TNFRSF21: variants seen among roughly 807,000 people sequenced by gnomAD.
TNFRSF21 encodes tumor necrosis factor receptor superfamily member 21.
In TNFRSF21, 19 loss-of-function variants were observed where a neutral mutation model predicts 45.6. The observed-to-expected ratio is 0.42, with a 90% CI of 0.29 to 0.61. The LOEUF is 0.61. TNFRSF21 is among the 20% of genes least tolerant of loss of function. The pLI, the probability that TNFRSF21 is intolerant of heterozygous loss-of-function variation, is 0.23. For synonymous variants in TNFRSF21, 314 were observed against 335.5 expected (o/e 0.94, Z 0.70); for missense variants, 737 against 851.5 (o/e 0.87, Z 1.67).
At chr6:47,248,172 G>A (rs1223037864) in intron 4 of TNFRSF21, among the ~76,000 whole-genome samples, 1 of 152,084 alleles carries the variant, frequency 6.6e-6, no homozygotes, top group Non-Finnish European at 1.5e-5. Flanking sequence ...AAGCAATGAA[G>A]GGATGCTGAA....
In TNFRSF21 at chr6:47,261,256, C is replaced by T. The variant is rs184446824; in HGVS notation, c.1244-7735G>A. On this transcript the variant is annotated intron_variant, in intron 3 of 5. Coordinates refer to ENST00000296861, the MANE Select transcript of TNFRSF21 (RefSeq NM_014452.5). Reference sequence around the variant, plus strand: ...AATTGGAATAAAAGCCTGGCTTTAGCATTACTGGAATTGATGTTCCACATA... The same window carrying T: ...AATTGGAATAAAAGCCTGGCTTTAGTATTACTGGAATTGATGTTCCACATA... 2.5e-3 allele frequency among the ~76,000 whole-genome samples: 379 copies of T among 152,340 alleles called. 8 individuals carry two copies. The highest frequency in any genetic ancestry group is 5.6e-4 in the Non-Finnish European group (38 of 68,032).
chr6:47,232,627 AC>A lies in TNFRSF21; in HGVS notation c.*137del. ...GCACTGGCCATATTCTCTGTTAAAC[AC>A]ACACACACACACACACACACACACA... is the stretch of plus-strand genomic sequence containing the variant. On this transcript the variant is annotated 3_prime_UTR_variant, in exon 6 of 6. Coordinates refer to ENST00000296861, the MANE Select transcript of TNFRSF21 (RefSeq NM_014452.5). 1 of 109,502 alleles carries A rather than the reference AC, an allele frequency of 9.1e-6. No homozygotes were observed. The highest frequency in any genetic ancestry group is 1.6e-5 in the Non-Finnish European group (1 of 60,884). 6.8% of individuals were successfully genotyped at this position (109,502 alleles called of 1,614,324 possible). A position where few individuals can be genotyped will look rare whatever the true frequency, so the allele number is the denominator to read the frequency against.
rs144298599 is a variant in TNFRSF21, at chr6:47,232,660, A to C, written c.*105T>G. 1,547 of 632,394 alleles carry C rather than the reference A, an allele frequency of 2.4e-3. No individual in the cohort carries two copies. Among genetic ancestry groups the C allele is most frequent in the Middle Eastern group, 6.1e-3 (12 of 1,964 alleles). The allele number at this position is 632,394 out of a possible 1,614,324, so 39.2% of individuals were successfully genotyped here. On this transcript the variant is annotated 3_prime_UTR_variant, in exon 6 of 6. Coordinates refer to ENST00000296861, the MANE Select transcript of TNFRSF21 (RefSeq NM_014452.5). ...ACACACACACACACACACACACACA[A>C]ACACACACACACACCCCAAACAACA...
chr6:47,248,278 T>C (rs774392511), intron 4 of TNFRSF21, among the ~76,000 whole-genome samples: 2 of 152,140 alleles, frequency 1.3e-5, no homozygotes, highest in Non-Finnish European at 2.9e-5. Context: ...ATTATCAAAA[T>C]TAATTTTGAT....
intron 1 of TNFRSF21, among the ~76,000 whole-genome samples, chr6:47,308,829 A>G (rs1001592932): frequency 1.3e-5 from 2 of 152,212 alleles, no homozygotes; most frequent in Non-Finnish European, 2.9e-5. Context: ...AAGAGGGAAG[A>G]GAGAGGGTAA....
At chr6:47,274,478 A>G (rs9791332) in intron 3 of TNFRSF21, among the ~76,000 whole-genome samples, 12,929 of 152,292 alleles carry the variant, frequency 0.085, 620 homozygotes, top group East Asian at 0.15. Flanking sequence ...CACCTTATAC[A>G]AAAATTAATT....
intron 3 of TNFRSF21, among the ~76,000 whole-genome samples, chr6:47,273,916 G>T (rs893061799): frequency 9.2e-5 from 14 of 152,068 alleles, no homozygotes; most frequent in Non-Finnish European, 1.9e-4. Flanking sequence ...AAATACCTAG[G>T]AATCCAACTT....
chr6:47,270,505 G>A (rs1453334443), intron 3 of TNFRSF21, among the ~76,000 whole-genome samples: 2 of 152,184 alleles, frequency 1.3e-5, no homozygotes, highest in African/African-American at 4.8e-5. Flanking sequence ...AACCCCATCT[G>A]TAGGTCACCA....
intron 3 of TNFRSF21, among the ~76,000 whole-genome samples, chr6:47,256,585 TTC>T (rs1450339609): frequency 6.6e-6 from 1 of 152,222 alleles, no homozygotes; most frequent in Non-Finnish European, 1.5e-5. Flanking sequence ...ATTACTGTAC[TTC>T]TCACACAGTT....
rs940670870 is a variant in TNFRSF21 at position 47,232,482 on chromosome 6, C to A, written c.*283G>T. 5 of 339,742 alleles carry A rather than the reference C, an allele frequency of 1.5e-5. No individual in the cohort carries two copies. Among genetic ancestry groups the A allele is most frequent in the African/African-American group, 1.1e-4 (5 of 46,540 alleles). The allele number at this position is 339,742 out of a possible 1,614,324, so 21.0% of individuals were successfully genotyped here. A position where few individuals can be genotyped will look rare whatever the true frequency, so the allele number is the denominator to read the frequency against. On this transcript the variant is annotated 3_prime_UTR_variant, in exon 6 of 6. Transcript: ENST00000296861. ...AAGGCAAAATGGAGAAAATATGGAA[C>A]TTAAAAAACTTTAGTGGTGGGTATT...
At chr6:47,239,931 C>G (rs1764721572) in intron 4 of TNFRSF21, among the ~76,000 whole-genome samples, 1 of 152,130 alleles carries the variant, frequency 6.6e-6, no homozygotes. Flanking sequence ...CGAAAGTTTA[C>G]CACAAAGTTA....
intron 3 of TNFRSF21, among the ~76,000 whole-genome samples, chr6:47,262,432 A>T (rs1426832925): frequency 6.6e-6 from 1 of 152,260 alleles, no homozygotes; most frequent in African/African-American, 2.4e-5. Flanking sequence ...TGTGCCAGAC[A>T]CTTTTCTAGG....
At chr6:47,274,083 G>A (rs1328887691) in intron 3 of TNFRSF21, among the ~76,000 whole-genome samples, 3 of 152,142 alleles carry the variant, frequency 2.0e-5, no homozygotes, top group African/African-American at 7.2e-5. Context: ...TAGATTCAAT[G>A]CCATCCCCAT....
At chr6:47,302,602 C>T (rs1185730412) in intron 1 of TNFRSF21, among the ~76,000 whole-genome samples, 1 of 152,198 alleles carries the variant, frequency 6.6e-6, no homozygotes, top group East Asian at 1.9e-4. Flanking sequence ...ACACCCTTCC[C>T]TTTCAATCCA....
intron 3 of TNFRSF21, among the ~76,000 whole-genome samples, chr6:47,263,855 C>G (rs1306799635): frequency 6.6e-6 from 1 of 152,174 alleles, no homozygotes; most frequent in East Asian, 1.9e-4. Context: ...TGGTATGTCT[C>G]ACAATTAATT....
intron 1 of TNFRSF21, among the ~76,000 whole-genome samples, chr6:47,308,523 G>T (rs183853718): frequency 2.0e-5 from 3 of 152,332 alleles, no homozygotes; most frequent in Non-Finnish European, 4.4e-5. Flanking sequence ...TAAAGGGAGG[G>T]AATTTGGGGG....
Position 47,234,721 on chromosome 6 carries a change from T to C in TNFRSF21, c.1687A>G (p.Thr563Ala), listed in dbSNP as rs1764638060. The C allele has an allele frequency of 6.2e-7, 1 of 1,612,190 alleles. No individual in the cohort carries two copies. Among genetic ancestry groups the C allele is most frequent in the Non-Finnish European group, 8.5e-7 (1 of 1,179,246 alleles). ...CTCAGCGCGGAGGAGCCGCTGGATGTAGAGTCACAGCGGAGAAGGGGCTCC... is the reference window on the plus strand; with the variant it reads ...CTCAGCGCGGAGGAGCCGCTGGATGCAGAGTCACAGCGGAGAAGGGGCTCC... Reference protein sequence around the residue: ...ESEPLLRCDSTSSGSSALSRN... With the variant: ...ESEPLLRCDSASSGSSALSRN... The change falls in exon 5 of 6, where the codon ACA (threonine) becomes GCA (alanine). Residue 563 changes from threonine (T) to alanine (A), a missense_variant. Thr to Ala is a moderately conservative substitution (Grantham distance 58, BLOSUM62 0). Coordinates refer to ENST00000296861, the MANE Select transcript of TNFRSF21 (RefSeq NM_014452.5).
chr6:47,250,055 A>G (rs950495017), intron 4 of TNFRSF21, among the ~76,000 whole-genome samples: 1 of 152,234 alleles, frequency 6.6e-6, no homozygotes, highest in Admixed American at 6.5e-5. Flanking sequence ...AAGCAATTAT[A>G]TAATTACATA....
intron 4 of TNFRSF21, among the ~76,000 whole-genome samples, chr6:47,247,818 C>T (rs975238975): frequency 6.6e-6 from 1 of 152,186 alleles, no homozygotes; most frequent in South Asian, 2.1e-4. Flanking sequence ...CATAGGTCCC[C>T]TATGTGGTTC....
Sources: gnomAD v4.1 joint callset for allele counts (sites outside exome capture counted in the v4.1 genomes callset) on GRCh38, gnomAD v4.1.1 for gene constraint, MANE v1.5 for transcripts, NCBI Gene and HGNC (gene_info 2026-07-23, HGNC 2026-07-21) for gene names.